The following DCLRE1A variants were observed in gnomAD, a reference collection of about 807,000 sequenced individuals.
DCLRE1A encodes DNA cross-link repair 1A protein.
Under a neutral mutation model 91.9 loss-of-function variants are expected in DCLRE1A, and 64 were observed. The observed-to-expected ratio is 0.70, with a 90% CI of 0.57 to 0.86. The LOEUF (loss-of-function observed/expected upper bound fraction) is 0.86. Among genes scored for constraint, DCLRE1A ranks in the 40% least tolerant of loss-of-function variants. DCLRE1A has a pLI of 0.00. For missense variants in DCLRE1A, 1,145 were observed against 1,213.3 expected, an observed-to-expected ratio of 0.94 and a Z score of 0.84; for synonymous variants, 416 against 431.1, an observed-to-expected ratio of 0.96 and a Z score of 0.43.
chr10:113,838,906 G>A (rs538037073), intron 7 of DCLRE1A, among the ~76,000 whole-genome samples: 3 of 152,126 alleles, frequency 2.0e-5, no homozygotes, highest in South Asian at 2.1e-4. Context: ...CTTGAAAACT[G>A]TATTAGGATT....
intron 7 of DCLRE1A, among the ~76,000 whole-genome samples, chr10:113,839,668 T>C (rs1282757300): frequency 6.6e-6 from 1 of 152,142 alleles, no homozygotes; most frequent in Non-Finnish European, 1.5e-5. Context: ...GACAAGAAGA[T>C]ATAGACTTCA....
intron 7 of DCLRE1A, among the ~76,000 whole-genome samples, chr10:113,837,624 T>C (rs998249072): frequency 6.6e-6 from 1 of 152,154 alleles, no homozygotes; most frequent in Non-Finnish European, 1.5e-5. Context: ...TGGATAGAAA[T>C]AATTTTATGT....
rs1845628443 is a variant in DCLRE1A, at chr10:113,850,432, A to G, written c.673T>C (p.Ser225Pro). 6.2e-7 allele frequency: 1 copy of G among 1,614,246 alleles called. No individual in the cohort carries two copies. The highest frequency in any genetic ancestry group is 8.5e-7 in the Non-Finnish European group (1 of 1,180,044). ...TGTGTCATCAATAAGGGATCATTTG[A>G]AACCGAGTTATCAGTTTGGTTCTGA... The part of the protein sequence containing the change: ...SYQNQTDNSV[S>P]NDPLLMTQYF... The change falls in exon 2 of 9, where the codon TCA (serine) becomes CCA (proline). Residue 225 changes from serine (S) to proline (P), a missense_variant. Transcript: ENST00000361384.
chr10:113,851,046 T>TA (rs1183930730), intron 1 of DCLRE1A, among the ~76,000 whole-genome samples: 1 of 152,188 alleles, frequency 6.6e-6, no homozygotes, highest in African/African-American at 2.4e-5. Context: ...CAACCTAACT[T>TA]AAAAATGCCT....
At chr10:113,850,719 T>C (rs1424790941) in intron 1 of DCLRE1A, 75 bp from the exon 2 acceptor site, 16 of 1,216,040 alleles carry the variant, frequency 1.3e-5, no homozygotes, top group South Asian at 1.8e-5. Flanking sequence ...GCAGTATAAA[T>C]TGGGTTCCAT....
Position 113,844,133 on chromosome 10 carries a change from C to A in DCLRE1A, c.2490G>T (p.Gln830His). Residue 830 changes from glutamine to histidine, a missense_variant, in exon 5 of 9, where the codon CAG (glutamine) becomes CAT (histidine). Gln to His is a conservative substitution (Grantham distance 24). Coordinates refer to ENST00000361384, the MANE Select transcript of DCLRE1A (RefSeq NM_014881.5). ...TATCTAAGTACAGCATATGGACTTT[C>A]TGGTCCGCAAGAAGAGAACGTTCCA... ...PSMERSLLAD[Q>H]KVHMLYLDTT... The A allele has an allele frequency of 6.2e-7, 1 of 1,614,142 alleles. No homozygotes were observed. Among genetic ancestry groups the A allele is most frequent in the Non-Finnish European group, 8.5e-7 (1 of 1,180,012 alleles).
chr10:113,842,743 A>C (rs1185275642), intron 5 of DCLRE1A, among the ~76,000 whole-genome samples: 1 of 152,120 alleles, frequency 6.6e-6, no homozygotes, highest in Non-Finnish European at 1.5e-5. Context: ...GTCTTTTTGA[A>C]GACTTTTTTC....
intron 7 of DCLRE1A, among the ~76,000 whole-genome samples, chr10:113,839,065 C>T (rs1030338633): frequency 1.3e-5 from 2 of 152,090 alleles, no homozygotes; most frequent in African/African-American, 4.8e-5. Flanking sequence ...GTGGCTCACG[C>T]ATGTATTCCC....
chr10:113,847,056 G>T, intron 3 of DCLRE1A, 146 bp downstream of exon 3: 2 of 765,630 alleles, frequency 2.6e-6, no homozygotes, highest in Non-Finnish European at 3.8e-6. Context: ...CTCGTTTTAA[G>T]TTTAGGACTT....
intron 4 of DCLRE1A, 72 bp downstream of exon 4, chr10:113,845,613 T>G: frequency 8.8e-7 from 1 of 1,133,838 alleles, no homozygotes; most frequent in Non-Finnish European, 1.3e-6. Context: ...TGAAAAAAGT[T>G]ATTAATCATG....
In DCLRE1A at chr10:113,850,661, GA is replaced by G. The variant is rs776671421; in HGVS notation, c.461-18del. 25 of 1,549,044 alleles carry G rather than the reference GA, an allele frequency of 1.6e-5. No homozygotes were observed. Among genetic ancestry groups the G allele is most frequent in the Non-Finnish European group, 2.2e-5 (25 of 1,147,322 alleles). ...CAGGACACTCTGAAATTTTAATAAA[GA>G]AAAAATATTACACGATCAAAGCATA... On this transcript the variant is annotated intron_variant, in intron 1 of 8. Coordinates refer to ENST00000361384, the MANE Select transcript of DCLRE1A (RefSeq NM_014881.5).
rs1431255618 is a variant in DCLRE1A, at chr10:113,841,566, G to T, written c.2666-6C>A. ...ACCTAAAACATCAGCAATGGCTATG[G>T]GCAAAAGAAAAGATTAAAAATAGTA... On this transcript the variant is annotated splice_region_variant and splice_polypyrimidine_tract_variant and intron_variant, in intron 6 of 8. Coordinates refer to ENST00000361384, the MANE Select transcript of DCLRE1A (RefSeq NM_014881.5). 4 of 1,586,862 alleles carry T rather than the reference G, an allele frequency of 2.5e-6. No homozygotes were observed. In the East Asian group the frequency reaches 6.8e-5, roughly 27 times the overall value.
chr10:113,838,772 A>G (rs911004860), intron 7 of DCLRE1A, among the ~76,000 whole-genome samples: 3 of 152,234 alleles, frequency 2.0e-5, no homozygotes, highest in Non-Finnish European at 2.9e-5. Flanking sequence ...ACCACAATCA[A>G]TCAATCAGGT....
rs142294701 is a variant in DCLRE1A at position 113,848,171 on chromosome 10, G to C, written c.2125+809C>G. 2.0e-3 allele frequency among the ~76,000 whole-genome samples: 299 copies of C among 152,230 alleles called. 2 individuals are homozygous for C. The highest frequency in any genetic ancestry group is 7.0e-3 in the African/African-American group (292 of 41,550). On this transcript the variant is annotated intron_variant, in intron 2 of 8. Coordinates refer to ENST00000361384, the MANE Select transcript of DCLRE1A (RefSeq NM_014881.5). ...TACTAAAAATATGAAAAAAAAATTA[G>C]CCGGGCGTTGTGGCGGGTGCCTGTA... is the stretch of plus-strand genomic sequence containing the variant.
At position 113,850,014 on chromosome 10, in the gene DCLRE1A, CT is replaced by C. The variant is rs1845615852; in HGVS notation, c.1090del (p.Ser364AlafsTer3). On this transcript the variant is annotated frameshift_variant, in exon 2 of 9. Transcript: ENST00000361384. LOFTEE classifies it high-confidence loss of function. ...DQDESCPKVN[S>X]FLTRDKYDEG... ...ATCATACTTATCCCGAGTTAAGAAG[CT>C]GTTCACTTTGGGGCAGCTCTCATCC... The C allele has an allele frequency of 6.2e-7, 1 of 1,614,076 alleles. No individual in the cohort carries two copies. Among genetic ancestry groups the C allele is most frequent in the South Asian group, 1.1e-5 (1 of 91,090 alleles).
chr10:113,837,346 TA>T, intron 7 of DCLRE1A, 143 bp from the exon 8 acceptor site: 1 of 565,816 alleles, frequency 1.8e-6, no homozygotes, highest in South Asian at 6.0e-5. Flanking sequence ...GCTATGCTTC[TA>T]AAAAATAATC....
chr10:113,839,764 C>A (rs1460838049), intron 7 of DCLRE1A, among the ~76,000 whole-genome samples: 1 of 152,190 alleles, frequency 6.6e-6, no homozygotes, highest in Non-Finnish European at 1.5e-5. Context: ...TCAGCTTTTT[C>A]TATCTCTCAT....
In DCLRE1A at chr10:113,849,508, T is replaced by C. The variant is rs753021054; in HGVS notation, c.1597A>G (p.Lys533Glu). The change falls in exon 2 of 9, where the codon AAG becomes GAG. Residue 533 changes from lysine (K) to glutamate (E), a missense_variant. By Grantham distance (56) the Lys-to-Glu change is moderately conservative. Transcript: ENST00000361384. ...TENLSSTPAP[K>E]YLKILPSGLK... ...CCAGAAGGCAATATTTTCAAATACT[T>C]CGGAGCAGGTGTACTAGACAAGTTT... 7 of 1,613,974 alleles carry C rather than the reference T, an allele frequency of 4.3e-6. No individual in the cohort carries two copies. Among genetic ancestry groups the C allele is most frequent in the Non-Finnish European group, 5.9e-6 (7 of 1,180,024 alleles).
chr10:113,849,778 G>A lies in DCLRE1A; in HGVS notation c.1327C>T (p.Gln443Ter). The part of the protein sequence containing the change: ...PEFHSAQSNK[Q>*]KQVIEESSVY... The stretch of plus-strand genomic sequence containing the variant: ...GATGATTCTTCAATTACCTGTTTCT[G>A]TTTATTTGATTGAGCTGAGTGAAAT... Residue 443 changes from glutamine to a stop codon, truncating the protein, a stop_gained, in exon 2 of 9, where the codon CAG becomes TAG. Transcript: ENST00000361384. LOFTEE classifies it high-confidence loss of function. 1 of 1,614,106 alleles carries A rather than the reference G, an allele frequency of 6.2e-7. No homozygotes were observed. The highest frequency in any genetic ancestry group is 8.5e-7 in the Non-Finnish European group (1 of 1,180,010).
Sources: allele counts gnomAD v4.1 joint callset (sites outside exome capture counted in the v4.1 genomes callset), GRCh38; gene constraint gnomAD v4.1.1; transcripts MANE v1.5; gene names NCBI Gene and HGNC (gene_info 2026-07-23, HGNC 2026-07-21).